Variants in SPATA18 observed in about 807,000 individuals in gnomAD.
SPATA18 encodes spermatogenesis associated 18.
Under a neutral mutation model 68.1 loss-of-function variants are expected in SPATA18, and 54 were observed. The observed-to-expected ratio is 0.79, with a 90% CI of 0.64 to 0.99. The LOEUF (loss-of-function observed/expected upper bound fraction) is 0.99, where lower values mean the gene tolerates loss of function less well. Among genes scored for constraint, SPATA18 ranks in the 50% least tolerant of loss-of-function variants. SPATA18 has a pLI of 0.00. For missense variants in SPATA18, 724 were observed against 681.1 expected, an observed-to-expected ratio of 1.06 and a Z score of -0.70; for synonymous variants, 242 against 244.8, an observed-to-expected ratio of 0.99 and a Z score of 0.11.
chr4:52,069,966 T>C (rs2109450562), intron 5 of SPATA18, 50 bp downstream of exon 5: 1 of 1,327,962 alleles, frequency 7.5e-7, no homozygotes, highest in Admixed American at 2.1e-5. Context: ...TGAATTTAGC[T>C]TTTTTGGTGC....
intron 10 of SPATA18, among the ~76,000 whole-genome samples, chr4:52,084,614 C>T (rs899741361): frequency 1.3e-5 from 2 of 152,198 alleles, no homozygotes; most frequent in African/African-American, 4.8e-5. Flanking sequence ...TTCTCCAGCA[C>T]TAACAAACTC....
intron 1 of SPATA18, among the ~76,000 whole-genome samples, chr4:52,052,989 C>A (rs1378197484): frequency 6.6e-6 from 1 of 152,212 alleles, no homozygotes; most frequent in African/African-American, 2.4e-5. Flanking sequence ...GTTAAAATGA[C>A]CTCTTTATCA....
intron 6 of SPATA18, among the ~76,000 whole-genome samples, chr4:52,073,350 G>T (rs750491732): frequency 6.6e-6 from 1 of 152,098 alleles, no homozygotes; most frequent in Admixed American, 6.5e-5. Context: ...TTTACTTCAG[G>T]CTAGCTAGTC....
intron 4 of SPATA18, among the ~76,000 whole-genome samples, 186 bp downstream of exon 4, chr4:52,062,518 G>A (rs1473711556): frequency 6.6e-6 from 1 of 152,092 alleles, no homozygotes; most frequent in Non-Finnish European, 1.5e-5. Flanking sequence ...CAGAGAGAGA[G>A]AGTCAGTGGT....
intron 1 of SPATA18, 129 bp downstream of exon 1, chr4:52,051,920 G>T: frequency 1.3e-6 from 1 of 797,760 alleles, no homozygotes; most frequent in South Asian, 1.5e-5. Context: ...TTCCTAACCA[G>T]GATCTCAGCT....
At chr4:52,094,453 AAAAT>A in intron 11 of SPATA18, 70 bp from the exon 12 acceptor site, 1 of 1,519,752 alleles carries the variant, frequency 6.6e-7, no homozygotes, top group Non-Finnish European at 9.1e-7. Flanking sequence ...TTAGGGAAAA[AAAAT>A]ATGTCAAAAG....
At chr4:52,073,460 C>A (rs982210402) in intron 6 of SPATA18, among the ~76,000 whole-genome samples, 2 of 152,140 alleles carry the variant, frequency 1.3e-5, no homozygotes, top group African/African-American at 4.8e-5. Context: ...ATCTGACCTT[C>A]CAATCCCCAC....
intron 4 of SPATA18, 126 bp downstream of exon 4, chr4:52,062,458 G>T: frequency 1.5e-6 from 1 of 645,782 alleles, no homozygotes; most frequent in African/African-American, 1.8e-5. Flanking sequence ...ATATGATTGT[G>T]TGTGTGTCTG....
At position 52,051,791 on chromosome 4, in the gene SPATA18, C is replaced by T. The variant is rs1187238539; in HGVS notation, c.87C>T (p.Asn29=). Residue 29 remains asparagine (N), a splice_region_variant and synonymous_variant, in exon 1 of 13, where the codon AAC becomes AAT. Transcript: ENST00000295213. ...EKLDFWLKEY[N]TNTCDQNLNH... ...TAGACTTCTGGCTGAAGGAGTACAA[C>T]GTGAGTCTGGGTGAAAAACCCCCGG... is the stretch of plus-strand genomic sequence containing the variant. The T allele has an allele frequency of 1.9e-6, 3 of 1,613,838 alleles. No homozygotes were observed. Among genetic ancestry groups the T allele is most frequent in the Non-Finnish European group, 2.5e-6 (3 of 1,179,962 alleles).
chr4:52,056,330 C>A (rs1738339819), intron 1 of SPATA18, among the ~76,000 whole-genome samples: 1 of 152,228 alleles, frequency 6.6e-6, no homozygotes, highest in African/African-American at 2.4e-5. Flanking sequence ...GTGCTGGAGG[C>A]TGCAGGAATG....
At chr4:52,069,254 A>G (rs1367760678) in intron 4 of SPATA18, among the ~76,000 whole-genome samples, 1 of 152,206 alleles carries the variant, frequency 6.6e-6, no homozygotes, top group African/African-American at 2.4e-5. Context: ...GCTAACTATG[A>G]CAGAGATACA....
In SPATA18 at chr4:52,062,086, T is replaced by TGAACATGAAA. The variant is rs1210189935; in HGVS notation, c.310-133_310-132insAACATGAAAG. On this transcript the variant is annotated intron_variant, in intron 3 of 12. Coordinates refer to ENST00000295213, the MANE Select transcript of SPATA18 (RefSeq NM_145263.4). ...TTTATCACTCTAGATTAATTTTGCC[T>TGAACATGAAA]GTACTAGAACTTCATGTGCATGGAG... 6 of 561,782 alleles carry TGAACATGAAA rather than the reference T, an allele frequency of 1.1e-5. No homozygotes were observed. In the African/African-American group the frequency reaches 1.1e-4, roughly 11 times the overall value. 34.8% of individuals were successfully genotyped at this position (561,782 alleles called of 1,614,324 possible).
chr4:52,084,265 CCTT>C (rs1325773703), intron 10 of SPATA18, among the ~76,000 whole-genome samples: 6 of 152,124 alleles, frequency 3.9e-5, no homozygotes, highest in Admixed American at 3.3e-4. Flanking sequence ...CTTTTAACTT[CCTT>C]CTTCTCTCCC....
intron 9 of SPATA18, among the ~76,000 whole-genome samples, chr4:52,080,725 G>A (rs192041989): frequency 2.0e-5 from 3 of 152,150 alleles, no homozygotes; most frequent in African/African-American, 7.2e-5. Context: ...CTATCCAATG[G>A]GGGCAATAAT....
chr4:52,081,955 G>A (rs1172929197), intron 9 of SPATA18, among the ~76,000 whole-genome samples: 2 of 152,222 alleles, frequency 1.3e-5, no homozygotes, highest in African/African-American at 4.8e-5. Flanking sequence ...GGTTTCTGTC[G>A]ATCCATTAAT....
intron 1 of SPATA18, among the ~76,000 whole-genome samples, chr4:52,056,409 G>A (rs927977575): frequency 6.6e-6 from 1 of 152,140 alleles, no homozygotes; most frequent in Non-Finnish European, 1.5e-5. Flanking sequence ...GGATGATGAT[G>A]GCATCCCATT....
chr4:52,079,961 T>C (rs368211607), intron 9 of SPATA18, 42 bp downstream of exon 9: 21 of 1,575,936 alleles, frequency 1.3e-5, no homozygotes, highest in African/African-American at 4.1e-5. Context: ...TTATCATGAA[T>C]ACATTGTCTT....
intron 1 of SPATA18, among the ~76,000 whole-genome samples, chr4:52,053,228 G>A (rs1161016848): frequency 1.3e-5 from 2 of 152,150 alleles, no homozygotes; most frequent in African/African-American, 4.8e-5. Flanking sequence ...GAAACTCCCT[G>A]TAAGTGATGA....
At chr4:52,089,448 T>A in intron 11 of SPATA18, among the ~76,000 whole-genome samples, 1 of 152,280 alleles carries the variant, frequency 6.6e-6, no homozygotes, top group East Asian at 1.9e-4. Flanking sequence ...CTCTAAACAC[T>A]GCTTTAAATG....
Sources: allele counts gnomAD v4.1 joint callset (sites outside exome capture counted in the v4.1 genomes callset), GRCh38; gene constraint gnomAD v4.1.1; transcripts MANE v1.5; gene names NCBI Gene and HGNC (gene_info 2026-07-23, HGNC 2026-07-21).